GTF2A2: variants seen among roughly 807,000 people sequenced by gnomAD.
GTF2A2 encodes transcription initiation factor IIA subunit 2.
Under a neutral mutation model 14.3 loss-of-function variants are expected in GTF2A2, and 9 were observed. That is an observed-to-expected ratio of 0.63 (90% CI 0.38 to 1.10). GTF2A2 has a LOEUF of 1.10. Among genes scored for constraint, GTF2A2 ranks in the 50% least tolerant of loss-of-function variants. The pLI, the probability that GTF2A2 is intolerant of heterozygous loss-of-function variation, is 0.01. For synonymous variants in GTF2A2, 56 were observed against 46.0 expected (o/e 1.22, Z -0.88); for missense variants, 90 against 124.6 (o/e 0.72, Z 1.32).
intron 3 of GTF2A2, among the ~76,000 whole-genome samples, chr15:59,643,892 C>A (rs1891517429): frequency 6.6e-6 from 1 of 151,128 alleles, no homozygotes; most frequent in Admixed American, 6.6e-5. Flanking sequence ...GCCATAGCAC[C>A]CAGCCTATTT....
intron 3 of GTF2A2, 35 bp from the exon 4 acceptor site, chr15:59,642,297 G>T (rs532826446): frequency 6.5e-7 from 1 of 1,544,288 alleles, no homozygotes; most frequent in Non-Finnish European, 8.7e-7. Flanking sequence ...ACCGTGAAAC[G>T]TTTTTTCCCC....
At chr15:59,639,938 A>T (rs1595665598) in intron 4 of GTF2A2, among the ~76,000 whole-genome samples, 1 of 151,926 alleles carries the variant, frequency 6.6e-6, no homozygotes, top group East Asian at 1.9e-4. Context: ...TTTAGTAGAG[A>T]TGGAGTTTCA....
In GTF2A2 at chr15:59,642,129, CACTT is replaced by C; in HGVS notation, c.304+3_304+6del. ...GTAGCTTTCACAGAAATAAGGCAAG[CACTT>C]ACTTTTACCATCACAGGCTACAATT... On this transcript the variant is annotated splice_donor_5th_base_variant and intron_variant, in intron 4 of 4. Coordinates refer to ENST00000396060, the MANE Select transcript of GTF2A2 (RefSeq NM_004492.3). The C allele has an allele frequency of 6.2e-7, 1 of 1,600,596 alleles. No homozygotes were observed. Among genetic ancestry groups the C allele is most frequent in the Non-Finnish European group, 8.5e-7 (1 of 1,174,548 alleles).
At chr15:59,644,146 C>T (rs373573001) in intron 3 of GTF2A2, among the ~76,000 whole-genome samples, 6 of 151,914 alleles carry the variant, frequency 3.9e-5, no homozygotes, top group South Asian at 2.1e-4. Context: ...CTGCCCACCT[C>T]GGCCTCCCAA....
Position 59,652,228 on chromosome 15 carries a change from T to G in GTF2A2, c.50A>C (p.Glu17Ala). The part of the protein sequence containing the change: ...RNTTLGNSLQ[E>A]SLDELIQSQQ... ...CACCTGTATGAGCTCATCTAGGCTCTCCTGAAGACTGTTTCCCAAAGTAGT... is the reference window on the plus strand; with the variant it reads ...CACCTGTATGAGCTCATCTAGGCTCGCCTGAAGACTGTTTCCCAAAGTAGT... Residue 17 changes from glutamate (E) to alanine (A), a missense_variant, in exon 2 of 5, where the codon GAG becomes GCG. Glu to Ala is a moderately radical substitution (Grantham distance 107, BLOSUM62 -1). Coordinates refer to ENST00000396060, the MANE Select transcript of GTF2A2 (RefSeq NM_004492.3). The G allele has an allele frequency of 6.3e-7, 1 of 1,596,932 alleles. No individual in the cohort carries two copies. The highest frequency in any genetic ancestry group is 8.6e-7 in the Non-Finnish European group (1 of 1,165,360).
Position 59,638,928 on chromosome 15 carries a change from AAAAAAAGTTATGGTTT to A in GTF2A2, c.*188_*203del. On this transcript the variant is annotated 3_prime_UTR_variant, in exon 5 of 5. Transcript: ENST00000396060. ...AGGAAGGCAACAACTTTTGTCCTTA[AAAAAAAGTTATGGTTT>A]TTCATGCTGTATAATAAAGGTGATG... 1 of 490,834 alleles carries A rather than the reference AAAAAAAGTTATGGTTT, an allele frequency of 2.0e-6. No individual in the cohort carries two copies. Among genetic ancestry groups the A allele is most frequent in the Non-Finnish European group, 3.7e-6 (1 of 270,778 alleles). 30.4% of individuals were successfully genotyped at this position (490,834 alleles called of 1,614,324 possible).
intron 4 of GTF2A2, among the ~76,000 whole-genome samples, chr15:59,641,563 A>C (rs1410982175): frequency 5.9e-5 from 9 of 151,524 alleles, no homozygotes; most frequent in African/African-American, 2.2e-4. Flanking sequence ...AAATAATATA[A>C]TTAGCAAAAA....
chr15:59,638,876 A>G lies in GTF2A2; in HGVS notation c.*256T>C. The G allele has an allele frequency of 2.6e-6, 1 of 389,972 alleles. No homozygotes were observed. The highest frequency in any genetic ancestry group is 5.3e-5 in the East Asian group (1 of 18,930). 24.2% of individuals were successfully genotyped at this position (389,972 alleles called of 1,614,324 possible). On this transcript the variant is annotated 3_prime_UTR_variant, in exon 5 of 5. Transcript: ENST00000396060. ...TTCACCAGTTATTACTCAGAGTTTT[A>G]AAATGAGTTTATTAAAGAAGGTTCT...
rs756690646 is a variant in GTF2A2 at position 59,642,272 on chromosome 15, A to AAAAC, written c.178-14_178-11dup. 1.3e-6 allele frequency: 2 copies of AAAAC among 1,582,490 alleles called. No homozygotes were observed. The highest frequency in any genetic ancestry group is 1.7e-6 in the Non-Finnish European group (2 of 1,167,244). On this transcript the variant is annotated splice_polypyrimidine_tract_variant and intron_variant, in intron 3 of 4. Transcript: ENST00000396060. ...ACGTATTTAGAGAGCCCTTTAAAACAAAACATTTAGAAATACCGTGAAACG... is the reference window on the plus strand; with the variant it reads ...ACGTATTTAGAGAGCCCTTTAAAACAAAACAAACATTTAGAAATACCGTGAAACG...
At chr15:59,642,713 C>T (rs1193795534) in intron 3 of GTF2A2, among the ~76,000 whole-genome samples, 3 of 152,208 alleles carry the variant, frequency 2.0e-5, no homozygotes, top group Admixed American at 6.5e-5. Context: ...ATTACTGCAT[C>T]GGTCACTAAG....
At chr15:59,641,680 A>G (rs1891433535) in intron 4 of GTF2A2, among the ~76,000 whole-genome samples, 1 of 152,224 alleles carries the variant, frequency 6.6e-6, no homozygotes, top group Admixed American at 6.5e-5. Flanking sequence ...TGCACATGTC[A>G]TATTTAACAG....
chr15:59,644,933 CA>C (rs558720990), intron 3 of GTF2A2, among the ~76,000 whole-genome samples: 146 of 152,228 alleles, frequency 9.6e-4, no homozygotes, highest in Admixed American at 1.5e-3. Context: ...ATGGGTTAGA[CA>C]GGAGTATGAC....
intron 3 of GTF2A2, among the ~76,000 whole-genome samples, chr15:59,642,852 C>A (rs1040685077): frequency 6.6e-6 from 1 of 152,110 alleles, no homozygotes; most frequent in African/African-American, 2.4e-5. Context: ...CTGCAACCTC[C>A]ACCTCCCAGG....
intron 3 of GTF2A2, 100 bp from the exon 4 acceptor site, chr15:59,642,362 G>A (rs1195977747): frequency 2.0e-6 from 2 of 977,516 alleles, no homozygotes; most frequent in Non-Finnish European, 2.9e-6. Flanking sequence ...AACATAATAA[G>A]TTTAATGCTT....
chr15:59,648,549 G>A (rs1891687644), intron 3 of GTF2A2, among the ~76,000 whole-genome samples: 1 of 151,898 alleles, frequency 6.6e-6, no homozygotes, highest in Non-Finnish European at 1.5e-5. Flanking sequence ...ACATATAAAT[G>A]ATTAAAACCT....
intron 1 of GTF2A2, among the ~76,000 whole-genome samples, chr15:59,655,461 T>C (rs1014997063): frequency 6.6e-6 from 1 of 152,210 alleles, no homozygotes; most frequent in Admixed American, 6.5e-5. Context: ...AGCTGATTAC[T>C]CCCTCCTCTT....
intron 3 of GTF2A2, among the ~76,000 whole-genome samples, chr15:59,648,937 A>T (rs996374786): frequency 2.8e-4 from 42 of 151,726 alleles, no homozygotes; most frequent in East Asian, 3.9e-4. Context: ...CTGTCTCAAA[A>T]AACAAAAACA....
intron 3 of GTF2A2, among the ~76,000 whole-genome samples, chr15:59,642,830 G>A (rs984391900): frequency 2.0e-5 from 3 of 152,054 alleles, no homozygotes; most frequent in Non-Finnish European, 2.9e-5. Flanking sequence ...GCAGTGGTGC[G>A]ATCTTGGCTC....
In GTF2A2 at chr15:59,639,128, C is replaced by CTATTCATTCTGTAGTAT; in HGVS notation, c.317_*3dup. 1.4e-6 allele frequency: 2 copies of CTATTCATTCTGTAGTAT among 1,430,876 alleles called. No individual in the cohort carries two copies. The highest frequency in any genetic ancestry group is 2.0e-6 in the Non-Finnish European group (2 of 1,017,294). 88.6% of individuals were successfully genotyped at this position (1,430,876 alleles called of 1,614,324 possible). A position where few individuals can be genotyped will look rare whatever the true frequency, so the allele number is the denominator to read the frequency against. On this transcript the variant is annotated 3_prime_UTR_variant, in exon 5 of 5. Transcript: ENST00000396060. ...ATGGTGTAAAAAAGTCATATTTTTTCTATTCATTCTGTAGTATTGGAGCCA... is the reference window on the plus strand; with the variant it reads ...ATGGTGTAAAAAAGTCATATTTTTTCTATTCATTCTGTAGTATTATTCATTCTGTAGTATTGGAGCCA...
Sources: allele counts gnomAD v4.1 joint callset (sites outside exome capture counted in the v4.1 genomes callset), GRCh38; gene constraint gnomAD v4.1.1; transcripts MANE v1.5; gene names NCBI Gene and HGNC (gene_info 2026-07-23, HGNC 2026-07-21).